Variants in SLC28A1 observed in about 807,000 individuals in gnomAD.
SLC28A1 encodes the protein sodium/nucleoside cotransporter 1.
Under a neutral mutation model 74.8 loss-of-function variants are expected in SLC28A1, and 64 were observed. The ratio of observed to expected loss-of-function variants is 0.86; its 90% confidence interval spans 0.70 to 1.05. The LOEUF (loss-of-function observed/expected upper bound fraction) is 1.05, where lower values mean the gene tolerates loss of function less well. Ranked by LOEUF, SLC28A1 falls within the 50% of genes least tolerant of loss-of-function variation. The probability of loss-of-function intolerance (pLI) is 0.00; values close to 1 mark genes in which losing one functional copy is unlikely to be tolerated. For missense variants in SLC28A1, 828 were observed against 822.8 expected (o/e 1.01, Z -0.08); for synonymous variants, 359 against 335.0 (o/e 1.07, Z -0.78).
chr15:84,884,935 T>C (rs1964407149), intron 1 of SLC28A1, among the ~76,000 whole-genome samples, 184 bp downstream of exon 1: 1 of 152,146 alleles, frequency 6.6e-6, no homozygotes, highest in Non-Finnish European at 1.5e-5. Context: ...GAGACAGTAG[T>C]GCTGCTCAGA....
intron 10 of SLC28A1, 100 bp downstream of exon 10, chr15:84,918,704 C>A (rs1969438306): frequency 6.8e-6 from 6 of 882,654 alleles, no homozygotes; most frequent in Non-Finnish European, 1.2e-5. Flanking sequence ...CAAACCTCCC[C>A]AGACACACTG....
At chr15:84,928,556 TTCTTTCTTTC>T (rs1970798523) in intron 12 of SLC28A1, among the ~76,000 whole-genome samples, 1 of 23,006 alleles carries the variant, frequency 4.3e-5, no homozygotes, top group Non-Finnish European at 7.0e-5. Flanking sequence ...CTTTCTTTCT[TTCTTTCTTTC>T]TTTCTTTCTT....
intron 1 of SLC28A1, chr15:84,886,392 G>A (rs1964602292): frequency 1.1e-6 from 1 of 914,778 alleles, no homozygotes; most frequent in Non-Finnish European, 1.3e-6. Context: ...GGAGGGGGAG[G>A]GAAATAATCA....
the SLC28A1 span, among the ~76,000 whole-genome samples, chr15:84,973,581 T>G: frequency 6.6e-6 from 1 of 152,146 alleles, no homozygotes; most frequent in Non-Finnish European, 1.5e-5. Flanking sequence ...ACTCATGTCT[T>G]ACTCAGTTCA....
the SLC28A1 span, among the ~76,000 whole-genome samples, chr15:84,974,426 AC>A: frequency 6.6e-6 from 1 of 152,184 alleles, no homozygotes; most frequent in East Asian, 1.9e-4. Context: ...CTGCTGCATG[AC>A]CAAGGACAAA....
In SLC28A1 at chr15:84,923,987, C is replaced by G. The variant is rs745542402; in HGVS notation, c.960C>G (p.Thr320=). The change falls in exon 12 of 19, where the codon ACC becomes ACG. Residue 320 remains threonine (T), a splice_region_variant and synonymous_variant. Transcript: ENST00000394573. ...TCTGACATCTTTCCTGTTTGCAGAC[C>G]GAGGCTCCATTACTGATCCGGCCCT... is the stretch of plus-strand genomic sequence containing the variant. ...SVAGNIFVSQ[T]EAPLLIRPYL... 4 of 1,614,010 alleles carry G rather than the reference C, an allele frequency of 2.5e-6. No individual in the cohort carries two copies. The highest frequency in any genetic ancestry group is 3.3e-5 in the Admixed American group (2 of 59,996).
At chr15:84,965,928 G>C in the SLC28A1 span, among the ~76,000 whole-genome samples, 3 of 151,458 alleles carry the variant, frequency 2.0e-5, no homozygotes, top group East Asian at 3.9e-4. Context: ...TAGGCTGCTG[G>C]AATGGTGCAG....
chr15:84,974,041 G>T, the SLC28A1 span, among the ~76,000 whole-genome samples: 2 of 152,176 alleles, frequency 1.3e-5, no homozygotes, highest in African/African-American at 4.8e-5. Flanking sequence ...TGGAGTGAAT[G>T]ATTCAGGCCA....
At chr15:84,908,659 T>G in intron 8 of SLC28A1, 59 bp from the exon 9 acceptor site, 3 of 1,444,444 alleles carry the variant, frequency 2.1e-6, no homozygotes, top group Non-Finnish European at 2.9e-6. Flanking sequence ...CGCTGCTTCC[T>G]CCCTCCTCCC....
intron 6 of SLC28A1, among the ~76,000 whole-genome samples, chr15:84,898,050 G>A (rs981681062): frequency 1.3e-5 from 2 of 151,338 alleles, no homozygotes; most frequent in African/African-American, 4.9e-5. Context: ...GAGCACCTAG[G>A]TTGATTCCAT....
downstream of SLC28A1, among the ~76,000 whole-genome samples, chr15:84,946,593 C>G (rs1009990943): frequency 6.6e-6 from 1 of 152,058 alleles, no homozygotes; most frequent in Non-Finnish European, 1.5e-5. Flanking sequence ...TGCCCCGAGC[C>G]CATCTGAGGG....
rs182952101 is a variant in SLC28A1, at chr15:84,935,096, G to A, written c.1285G>A (p.Ala429Thr). ...AISVKVVANI[A>T]ANLIAFLAVL... ...CTCCGTGAAGGTGGTCGCCAACATCGCTGCCAACCTGATTGCGTTCCTGGC... is the reference window on the plus strand; with the variant it reads ...CTCCGTGAAGGTGGTCGCCAACATCACTGCCAACCTGATTGCGTTCCTGGC... Residue 429 changes from alanine (A) to threonine (T), a missense_variant, in exon 14 of 19, where the codon GCT becomes ACT. Ala to Thr is a moderately conservative substitution (Grantham distance 58). This residue lies in a region of SLC28A1 where 767 missense variants were observed against 753.5 expected (regional missense o/e 1.02). Coordinates refer to ENST00000394573, the MANE Select transcript of SLC28A1 (RefSeq NM_004213.5). 14 of 1,613,998 alleles carry A rather than the reference G, an allele frequency of 8.7e-6. No individual in the cohort carries two copies. The African/African-American group carries it at 1.5e-4, about 17-fold the overall frequency.
chr15:84,956,480 T>TTTCTTTCTTTCC, the SLC28A1 span, among the ~76,000 whole-genome samples: 68 of 136,386 alleles, frequency 5.0e-4, no homozygotes, highest in African/African-American at 1.7e-3. Flanking sequence ...TCTTTCTTTC[T>TTTCTTTCTTTCC]TTCTTTCTTT....
chr15:84,916,369 G>A (rs1381698839), intron 9 of SLC28A1, among the ~76,000 whole-genome samples: 1 of 151,252 alleles, frequency 6.6e-6, no homozygotes, highest in Non-Finnish European at 1.5e-5. Flanking sequence ...AGCCTCCAGA[G>A]CAGTTGGAAC....
chr15:84,969,536 G>T, the SLC28A1 span, among the ~76,000 whole-genome samples: 8 of 151,598 alleles, frequency 5.3e-5, no homozygotes, highest in East Asian at 1.2e-3. Context: ...CCTGCCCCCC[G>T]ACTCGGACTT....
chr15:84,953,731 TAAG>T, the SLC28A1 span, among the ~76,000 whole-genome samples: 1 of 152,114 alleles, frequency 6.6e-6, no homozygotes, highest in African/African-American at 2.4e-5. Context: ...CAAAAATAAA[TAAG>T]AAAAGTAGAA....
intron 12 of SLC28A1, among the ~76,000 whole-genome samples, chr15:84,930,019 A>T (rs533494575): frequency 1.7e-4 from 26 of 152,190 alleles, no homozygotes; most frequent in Non-Finnish European, 3.4e-4. Flanking sequence ...GTGCCCAGGG[A>T]GCCCTGCCTG....
chr15:84,938,940 G>A (rs978702706), intron 15 of SLC28A1, among the ~76,000 whole-genome samples: 1 of 152,192 alleles, frequency 6.6e-6, no homozygotes, highest in African/African-American at 2.4e-5. Flanking sequence ...AGAGAGCAGA[G>A]GCAATGGATA....
intron 12 of SLC28A1, among the ~76,000 whole-genome samples, chr15:84,928,518 GGTTC>G (rs141295230): frequency 0.012 from 394 of 34,124 alleles, 49 homozygotes; most frequent in East Asian, 0.047. Flanking sequence ...CAAGCTCCCA[GGTTC>G]GTTCGTTCTT....
Sources: gnomAD v4.1 joint callset for allele counts (sites outside exome capture counted in the v4.1 genomes callset) on GRCh38, gnomAD v4.1.1 for gene constraint, gnomAD v4.1.1 regional missense constraint, MANE v1.5 for transcripts, NCBI Gene and HGNC (gene_info 2026-07-23, HGNC 2026-07-21) for gene names.